TRAF3: variants seen among roughly 807,000 people sequenced by gnomAD.
TRAF3 encodes TNF receptor-associated factor 3.
A neutral mutation model predicts 62.3 loss-of-function variants in TRAF3; 13 were observed. The observed-to-expected ratio is 0.21, with a 90% CI of 0.14 to 0.33. The LOEUF is 0.33. Ranked by LOEUF, TRAF3 falls within the 10% of genes least tolerant of loss-of-function variation. The pLI is 1.00. For missense variants in TRAF3, 440 were observed against 741.8 expected, an observed-to-expected ratio of 0.59 and a Z score of 4.73; for synonymous variants, 269 against 283.4, an observed-to-expected ratio of 0.95 and a Z score of 0.51.
intron 2 of TRAF3, among the ~76,000 whole-genome samples, chr14:102,844,828 G>T (rs1295333128): frequency 6.6e-6 from 1 of 151,716 alleles, no homozygotes; most frequent in Non-Finnish European, 1.5e-5. Flanking sequence ...GTTGCTTGAG[G>T]CCAGGAGTTT....
At chr14:102,780,909 C>T (rs377254629) in intron 1 of TRAF3, among the ~76,000 whole-genome samples, 3 of 152,152 alleles carry the variant, frequency 2.0e-5, no homozygotes, top group African/African-American at 7.2e-5. Flanking sequence ...AGGACAGGAG[C>T]TTGTGGCAGG....
intron 1 of TRAF3, among the ~76,000 whole-genome samples, chr14:102,792,175 A>G (rs1183651142): frequency 8.2e-6 from 1 of 121,638 alleles, no homozygotes; most frequent in African/African-American, 3.2e-5. Flanking sequence ...CCCAGGCTGG[A>G]GTACAGTGAT....
intron 1 of TRAF3, among the ~76,000 whole-genome samples, chr14:102,825,050 T>A (rs1900216735): frequency 6.6e-6 from 1 of 152,228 alleles, no homozygotes; most frequent in Admixed American, 6.5e-5. Flanking sequence ...ACAAGGAATC[T>A]GGGATCCAGA....
At chr14:102,852,494 C>T (rs557873799) in intron 2 of TRAF3, among the ~76,000 whole-genome samples, 2 of 152,226 alleles carry the variant, frequency 1.3e-5, no homozygotes, top group African/African-American at 4.8e-5. Flanking sequence ...TCCTCTTGGC[C>T]ACTTATTTCT....
Position 102,906,566 on chromosome 14 carries a change from G to A in TRAF3, c.*782G>A, listed in dbSNP as rs949352637. 6.6e-6 allele frequency: 1 copy of A among 152,194 alleles called. No individual in the cohort carries two copies. Among genetic ancestry groups the A allele is most frequent in the Non-Finnish European group, 1.5e-5 (1 of 68,044 alleles). The allele number at this position is 152,194 out of a possible 1,614,324, so 9.4% of individuals were successfully genotyped here. On this transcript the variant is annotated 3_prime_UTR_variant, in exon 12 of 12. Coordinates refer to ENST00000392745, the MANE Select transcript of TRAF3 (RefSeq NM_145725.3). ...AAATGTAAACCTTCAAATATCTGTC[G>A]TAGTTAATGACACGACTTCACAATT...
chr14:102,889,047 CTT>C (rs982362956), intron 7 of TRAF3, among the ~76,000 whole-genome samples: 4 of 152,280 alleles, frequency 2.6e-5, no homozygotes, highest in African/African-American at 9.6e-5. Context: ...GGGAAAAAGT[CTT>C]TTCAGATGAA....
At chr14:102,814,542 C>T (rs1019859206) in intron 1 of TRAF3, among the ~76,000 whole-genome samples, 2 of 152,242 alleles carry the variant, frequency 1.3e-5, no homozygotes, top group Middle Eastern at 3.4e-3. Context: ...CCCCCCAAGA[C>T]AGGGTCTCAC....
chr14:102,877,163 G>A lies in TRAF3; in HGVS notation c.570+638G>A, dbSNP rs140424380. 6.0e-3 allele frequency among the ~76,000 whole-genome samples: 847 copies of A among 140,936 alleles called. 11 individuals carry two copies. Among genetic ancestry groups the A allele is most frequent in the Admixed American group, 0.011 (150 of 14,254 alleles). The allele number at this position is 140,936 out of a possible 152,430, so 92.5% of individuals were successfully genotyped here. A position where few individuals can be genotyped will look rare whatever the true frequency, so the allele number is the denominator to read the frequency against. ...AGATAATCCGTTCCACAGGCCTTCC[G>A]CTCATCTCGTAGATAATCCGTTCCA... On this transcript the variant is annotated intron_variant, in intron 6 of 11. Coordinates refer to ENST00000392745, the MANE Select transcript of TRAF3 (RefSeq NM_145725.3).
At chr14:102,844,811 C>G (rs1420242044) in intron 2 of TRAF3, among the ~76,000 whole-genome samples, 1 of 150,824 alleles carries the variant, frequency 6.6e-6, no homozygotes, top group South Asian at 2.1e-4. Context: ...GAGGCTGAGG[C>G]GGGAGGGTTG....
intron 1 of TRAF3, among the ~76,000 whole-genome samples, chr14:102,798,626 C>T (rs144749570): frequency 3.3e-5 from 5 of 152,186 alleles, no homozygotes; most frequent in East Asian, 3.9e-4. Context: ...GGCGACAGAG[C>T]GAGACCCTGT....
chr14:102,891,440 G>A, intron 9 of TRAF3, 23 bp downstream of exon 9: 1 of 1,598,174 alleles, frequency 6.3e-7, no homozygotes, highest in Non-Finnish European at 8.5e-7. Context: ...CTTTCCTGCT[G>A]CTATGGGATT....
chr14:102,807,649 T>C (rs1400787501), intron 1 of TRAF3, among the ~76,000 whole-genome samples: 1 of 152,160 alleles, frequency 6.6e-6, no homozygotes, highest in Non-Finnish European at 1.5e-5. Flanking sequence ...TTGGGGTTTT[T>C]GTGTAGGGGA....
chr14:102,778,305 G>T (rs2140037038), intron 1 of TRAF3, among the ~76,000 whole-genome samples: 1 of 152,052 alleles, frequency 6.6e-6, no homozygotes, highest in East Asian at 1.9e-4. Flanking sequence ...CCCCGCGGGC[G>T]CCAGGCGGCT....
At chr14:102,885,929 G>A (rs566748955) in intron 6 of TRAF3, among the ~76,000 whole-genome samples, 2 of 152,274 alleles carry the variant, frequency 1.3e-5, no homozygotes, top group South Asian at 4.1e-4. Flanking sequence ...CCCTTGTGGC[G>A]AGGCCCCCAC....
At chr14:102,844,182 C>T (rs979661455) in intron 2 of TRAF3, among the ~76,000 whole-genome samples, 13 of 152,196 alleles carry the variant, frequency 8.5e-5, no homozygotes, top group African/African-American at 3.1e-4. Context: ...CTATACAGTT[C>T]TTGAGTACAA....
Position 102,887,780 on chromosome 14 carries a change from A to G in TRAF3, c.651+1511A>G, listed in dbSNP as rs1383842739. On this transcript the variant is annotated intron_variant, in intron 7 of 11. Transcript: ENST00000392745. ...CGGCTAATTTCTTGTATTTTTTAGT[A>G]GAGACGGGGTTTCACCTTGTTAGCC... Among the ~76,000 whole-genome samples the G allele has an allele frequency of 2.0e-5, 3 of 152,044 alleles. No individual in the cohort carries two copies. The East Asian group carries it at 5.8e-4, about 29-fold the overall frequency.
At chr14:102,862,183 T>C (rs759017523) in intron 2 of TRAF3, among the ~76,000 whole-genome samples, 6 of 152,178 alleles carry the variant, frequency 3.9e-5, no homozygotes, top group Non-Finnish European at 8.8e-5. Flanking sequence ...CTTTCTAATA[T>C]ATTTTTTGGG....
intron 1 of TRAF3, among the ~76,000 whole-genome samples, chr14:102,805,408 G>C (rs1021746211): frequency 2.0e-5 from 3 of 152,200 alleles, no homozygotes; most frequent in African/African-American, 7.2e-5. Flanking sequence ...TGTGCATAAA[G>C]ACAGTGACAA....
At chr14:102,897,925 G>A (rs1890086572) in intron 10 of TRAF3, among the ~76,000 whole-genome samples, 1 of 152,232 alleles carries the variant, frequency 6.6e-6, no homozygotes, top group Non-Finnish European at 1.5e-5. Context: ...ATGTAAAGGG[G>A]ACTGATGAAA....
Sources: gnomAD v4.1 joint callset for allele counts (sites outside exome capture counted in the v4.1 genomes callset) on GRCh38, gnomAD v4.1.1 for gene constraint, MANE v1.5 for transcripts, NCBI Gene and HGNC (gene_info 2026-07-23, HGNC 2026-07-21) for gene names.